The following PCSK5 variants were observed in gnomAD, a reference collection of about 807,000 sequenced individuals.
PCSK5 encodes prohormone convertase 5.
A neutral mutation model predicts 233.2 loss-of-function variants in PCSK5; 129 were observed. The ratio of observed to expected loss-of-function variants is 0.55; its 90% CI spans 0.48 to 0.64. The LOEUF (loss-of-function observed/expected upper bound fraction) is 0.64, where lower values mean the gene tolerates loss of function less well. PCSK5 is among the 30% of genes least tolerant of loss of function. The pLI is 0.00. For missense variants in PCSK5, 2,076 were observed against 2,430.1 expected (o/e 0.85, Z 3.06); for synonymous variants, 825 against 879.2 (o/e 0.94, Z 1.09).
intron 3 of PCSK5, among the ~76,000 whole-genome samples, chr9:75,990,304 A>G (rs1027882607): frequency 1.3e-5 from 2 of 152,204 alleles, no homozygotes; most frequent in Non-Finnish European, 2.9e-5. Flanking sequence ...AAAGAATGGC[A>G]TGAAGTGTGC....
intron 24 of PCSK5, among the ~76,000 whole-genome samples, chr9:76,280,256 T>G (rs2131386465): frequency 6.6e-6 from 1 of 152,312 alleles, no homozygotes; most frequent in East Asian, 1.9e-4. Flanking sequence ...TGTTCTGCCT[T>G]TTCCACTGAC....
In PCSK5 at chr9:76,188,646, C is replaced by T. The variant is rs201930247; in HGVS notation, c.2351C>T (p.Pro784Leu). The change falls in exon 18 of 38, where the codon CCC (proline) becomes CTC (leucine). Residue 784 changes from proline to leucine, a missense_variant. By Grantham distance (98) the Pro-to-Leu change is moderately conservative. Around this residue, in one of 6 missense-constraint regions of PCSK5, gnomAD observed 1,510 missense variants for 1,538.1 expected, o/e 0.98. Transcript: ENST00000674117. Reference sequence around the variant, plus strand: ...TATTTCAACGGCCAGGACTGCCAGCCCTGCCACCGCTTCTGCGCCACTTGT... The same window carrying T: ...TATTTCAACGGCCAGGACTGCCAGCTCTGCCACCGCTTCTGCGCCACTTGT... ...GRYFNGQDCQ[P>L]CHRFCATCAG... 6.2e-7 allele frequency: 1 copy of T among 1,613,484 alleles called. No individual in the cohort carries two copies. Among genetic ancestry groups the T allele is most frequent in the African/African-American group, 1.3e-5 (1 of 74,898 alleles).
At chr9:76,022,624 C>T (rs762449860) in intron 3 of PCSK5, among the ~76,000 whole-genome samples, 11 of 152,104 alleles carry the variant, frequency 7.2e-5, no homozygotes, top group African/African-American at 2.7e-4. Flanking sequence ...TTTAAAGGAA[C>T]AATTGTGTGG....
At chr9:76,123,524 A>G (rs1048821817) in intron 9 of PCSK5, among the ~76,000 whole-genome samples, 5 of 152,176 alleles carry the variant, frequency 3.3e-5, no homozygotes, top group Non-Finnish European at 7.3e-5. Context: ...CTTTAATACC[A>G]TAATTTGGAT....
intron 35 of PCSK5, among the ~76,000 whole-genome samples, chr9:76,346,934 G>C (rs1829996136): frequency 6.6e-6 from 1 of 152,168 alleles, no homozygotes; most frequent in African/African-American, 2.4e-5. Context: ...AAGCATGGAA[G>C]GAGGGGTGGA....
intron 24 of PCSK5, among the ~76,000 whole-genome samples, chr9:76,268,984 T>C (rs1827423534): frequency 6.6e-6 from 1 of 152,232 alleles, no homozygotes; most frequent in South Asian, 2.1e-4. Context: ...AGTCTCAGTT[T>C]CTTCATCTGT....
intron 5 of PCSK5, among the ~76,000 whole-genome samples, chr9:76,064,186 G>T (rs1830164121): frequency 8.6e-6 from 1 of 116,738 alleles, no homozygotes; most frequent in Admixed American, 7.8e-5. Flanking sequence ...GCGGGGGGCT[G>T]ACCCCCCCAC....
chr9:76,359,146 G>A lies in PCSK5; in HGVS notation c.*224G>A. 1.9e-6 allele frequency: 1 copy of A among 522,758 alleles called. No homozygotes were observed. The highest frequency in any genetic ancestry group is 3.4e-6 in the Non-Finnish European group (1 of 292,930). The allele number at this position is 522,758 out of a possible 1,614,324, so 32.4% of individuals were successfully genotyped here. ...CTGTTCAACCGTAATTGAAGAGCAA[G>A]GATAAAATTCAGAGGCATTTTCCTC... is the stretch of plus-strand genomic sequence containing the variant. On this transcript the variant is annotated 3_prime_UTR_variant, in exon 38 of 38. Transcript: ENST00000674117.
chr9:75,909,950 G>C (rs1171994936), intron 1 of PCSK5, among the ~76,000 whole-genome samples: 2 of 152,192 alleles, frequency 1.3e-5, no homozygotes, highest in African/African-American at 4.8e-5. Context: ...TGAGTGACTT[G>C]TGGTGAGCTG....
chr9:76,073,867 G>T (rs1266939529), intron 7 of PCSK5, among the ~76,000 whole-genome samples: 1 of 152,006 alleles, frequency 6.6e-6, no homozygotes, highest in Non-Finnish European at 1.5e-5. Context: ...ATCTTAACTG[G>T]AAGCTTAGTG....
chr9:76,019,870 G>C (rs2065139673), intron 3 of PCSK5, among the ~76,000 whole-genome samples: 2 of 152,176 alleles, frequency 1.3e-5, no homozygotes, highest in African/African-American at 4.8e-5. Context: ...GTTTCTTAAG[G>C]ATATTTTCCA....
At chr9:76,150,886 C>T (rs1564063662) in intron 10 of PCSK5, among the ~76,000 whole-genome samples, 2 of 152,030 alleles carry the variant, frequency 1.3e-5, no homozygotes, top group Non-Finnish European at 2.9e-5. Context: ...TTCTGGCTTT[C>T]CACTATCAGA....
chr9:76,187,120 C>T (rs76377424), intron 17 of PCSK5, among the ~76,000 whole-genome samples: 4,871 of 152,074 alleles, frequency 0.032, 242 homozygotes, highest in East Asian at 0.17. Flanking sequence ...TTTGTACTTT[C>T]CAAATTTTTT....
At chr9:76,086,605 G>T (rs970747758) in intron 7 of PCSK5, among the ~76,000 whole-genome samples, 1 of 152,158 alleles carries the variant, frequency 6.6e-6, no homozygotes, top group Non-Finnish European at 1.5e-5. Flanking sequence ...CAGAAGAGAA[G>T]GTTGTTTTAT....
chr9:76,351,624 A>G (rs1444439455), intron 36 of PCSK5, among the ~76,000 whole-genome samples: 11 of 147,320 alleles, frequency 7.5e-5, no homozygotes, highest in Non-Finnish European at 9.0e-5. Context: ...AAGAAAGAGA[A>G]AGAAAGAGAG....
At chr9:76,020,015 A>G (rs544258079) in intron 3 of PCSK5, among the ~76,000 whole-genome samples, 5 of 152,356 alleles carry the variant, frequency 3.3e-5, no homozygotes, top group East Asian at 1.9e-4. Flanking sequence ...GTGGTTTTCA[A>G]TAGCTTCAAA....
At chr9:76,066,129 T>A (rs528076647) in intron 5 of PCSK5, among the ~76,000 whole-genome samples, 42 of 152,314 alleles carry the variant, frequency 2.8e-4, no homozygotes, top group Non-Finnish European at 4.4e-4. Flanking sequence ...CTTTTGTGGT[T>A]TCATATGAAT....
chr9:75,933,483 A>G (rs192454864), intron 2 of PCSK5, among the ~76,000 whole-genome samples: 42 of 152,328 alleles, frequency 2.8e-4, no homozygotes, highest in African/African-American at 1.0e-3. Context: ...TAGCAATCTC[A>G]GCTAGATATC....
rs551606808 is a variant in PCSK5, at chr9:75,959,416, G to C, written c.298-26716G>C. Among the ~76,000 whole-genome samples the C allele has an allele frequency of 1.1e-3, 174 of 152,284 alleles. 1 individual carries two copies. The highest frequency in any genetic ancestry group is 4.0e-3 in the African/African-American group (167 of 41,546). On this transcript the variant is annotated intron_variant, in intron 2 of 37. Transcript: ENST00000674117. ...GGAACCATGTCACAGACGGCTGCTTGTTCCATGTTGACAAGCTTGGGCTCC... is the reference window on the plus strand; with the variant it reads ...GGAACCATGTCACAGACGGCTGCTTCTTCCATGTTGACAAGCTTGGGCTCC...
Sources: gnomAD v4.1 joint callset for allele counts (sites outside exome capture counted in the v4.1 genomes callset) on GRCh38, gnomAD v4.1.1 for gene constraint, gnomAD v4.1.1 regional missense constraint, MANE v1.5 for transcripts, NCBI Gene and HGNC (gene_info 2026-07-23, HGNC 2026-07-21) for gene names.